The following KIRREL3 variants were observed in gnomAD, a reference collection of about 807,000 sequenced individuals.
KIRREL3 encodes kin of IRRE-like protein 3.
A neutral mutation model predicts 89.7 loss-of-function variants in KIRREL3; 36 were observed. The observed-to-expected ratio is 0.40, with a 90% confidence interval of 0.31 to 0.53. The LOEUF is 0.53. Ranked by LOEUF, KIRREL3 falls within the 20% of genes least tolerant of loss-of-function variation. The probability of loss-of-function intolerance (pLI) is 0.49; values close to 1 mark genes in which losing one functional copy is unlikely to be tolerated. For missense variants in KIRREL3, 864 were observed against 1,056.6 expected (o/e 0.82, Z 2.53); for synonymous variants, 445 against 441.4 (o/e 1.01, Z -0.10).
chr11:126,747,191 G>T lies in KIRREL3; in HGVS notation c.56-184279C>A, dbSNP rs1199091200. On this transcript the variant is annotated intron_variant, in intron 1 of 16. Transcript: ENST00000525144. The surrounding 1 kb of genome is among the most constrained non-coding windows in gnomAD (Gnocchi z 4.7). Reference sequence around the variant, plus strand: ...CTCATAGCATAGAGCTTGGCTCTTGGCTTAGTCCCAGGCCAGCAGGCCTCA... The same window carrying T: ...CTCATAGCATAGAGCTTGGCTCTTGTCTTAGTCCCAGGCCAGCAGGCCTCA... 2.6e-5 allele frequency among the ~76,000 whole-genome samples: 4 copies of T among 152,192 alleles called. No individual in the cohort carries two copies. Among genetic ancestry groups the T allele is most frequent in the Non-Finnish European group, 5.9e-5 (4 of 68,040 alleles).
At chr11:126,842,032 G>T (rs1223761506) in intron 1 of KIRREL3, among the ~76,000 whole-genome samples, 1 of 152,202 alleles carries the variant, frequency 6.6e-6, no homozygotes, top group African/African-American at 2.4e-5. Flanking sequence ...GGGGTAGGGT[G>T]AGGAGTGGAT....
At chr11:126,450,544 TCA>T (rs1956023960) in intron 7 of KIRREL3, among the ~76,000 whole-genome samples, 5 of 150,650 alleles carry the variant, frequency 3.3e-5, no homozygotes, top group Non-Finnish European at 5.9e-5. Context: ...TGCATGTGTG[TCA>T]ATGTGCATGT....
intron 1 of KIRREL3, among the ~76,000 whole-genome samples, chr11:126,968,987 A>AT (rs923699479): frequency 7.9e-5 from 12 of 152,118 alleles, no homozygotes; most frequent in Non-Finnish European, 1.8e-4. Flanking sequence ...GAGTGGTTAC[A>AT]TTTTTGAGTA....
chr11:126,953,392 C>T lies in KIRREL3; in HGVS notation c.55+47063G>A, dbSNP rs1054232233. ...GAAATACCTAACGTAGATGAGGAGT[C>T]GATGGGTGCAGCAAACCATCATGGC... On this transcript the variant is annotated intron_variant, in intron 1 of 16. Transcript: ENST00000525144. The surrounding 1 kb of genome is among the most constrained non-coding windows in gnomAD (Gnocchi z 5.2). 2.6e-4 allele frequency among the ~76,000 whole-genome samples: 40 copies of T among 151,886 alleles called. No individual in the cohort carries two copies. The highest frequency in any genetic ancestry group is 9.2e-4 in the African/African-American group (38 of 41,336).
At position 126,563,549 on chromosome 11, in the gene KIRREL3, G is replaced by GCTAA. The variant is rs568131750; in HGVS notation, c.56-638_56-637insTTAG. 5.5e-3 allele frequency among the ~76,000 whole-genome samples: 835 copies of GCTAA among 152,266 alleles called. 6 individuals are homozygous for GCTAA. Among genetic ancestry groups the GCTAA allele is most frequent in the African/African-American group, 0.015 (635 of 41,528 alleles). ...CCTTCCTATATCAAGGCCCAATTTA[G>GCTAA]CACCATCATCAAGCACTTATGAAAT... On this transcript the variant is annotated intron_variant, in intron 1 of 16. Transcript: ENST00000525144. The surrounding 1 kb of genome is among the most constrained non-coding windows in gnomAD (Gnocchi z 6.8).
In KIRREL3 at chr11:126,943,907, T is replaced by C. The variant is rs1020525076; in HGVS notation, c.55+56548A>G. Among the ~76,000 whole-genome samples the C allele has an allele frequency of 2.6e-5, 4 of 152,170 alleles. No homozygotes were observed. Among genetic ancestry groups the C allele is most frequent in the Non-Finnish European group, 4.4e-5 (3 of 68,022 alleles). On this transcript the variant is annotated intron_variant, in intron 1 of 16. Coordinates refer to ENST00000525144, the MANE Select transcript of KIRREL3 (RefSeq NM_032531.4). This position sits in a 1 kb window ranked among gnomAD's most constrained non-coding sequence, Gnocchi z 4.2. ...GGTGGAGACTTCTTAATTTAGATATTGATGCAGTTCGGGACATACCAAAAT... is the reference window on the plus strand; with the variant it reads ...GGTGGAGACTTCTTAATTTAGATATCGATGCAGTTCGGGACATACCAAAAT...
rs1488598826 is a variant in KIRREL3 at position 126,484,560 on chromosome 11, C to T, written c.434-11094G>A. Reference sequence around the variant, plus strand: ...AGAGCTGGGATATGGGTAGGGTTTCCAGACTTAACAAATCAAAGAACAGTA... The same window carrying T: ...AGAGCTGGGATATGGGTAGGGTTTCTAGACTTAACAAATCAAAGAACAGTA... On this transcript the variant is annotated intron_variant, in intron 4 of 16. Transcript: ENST00000525144. This position sits in a 1 kb window ranked among gnomAD's most constrained non-coding sequence, Gnocchi z 5.2. Among the ~76,000 whole-genome samples the T allele has an allele frequency of 6.6e-6, 1 of 152,130 alleles. No homozygotes were observed. Among genetic ancestry groups the T allele is most frequent in the African/African-American group, 2.4e-5 (1 of 41,424 alleles).
In KIRREL3 at chr11:126,537,211, C is replaced by T. The variant is rs555922310; in HGVS notation, c.134-10524G>A. Among the ~76,000 whole-genome samples, 8 of 152,288 alleles carry T rather than the reference C, an allele frequency of 5.3e-5. No individual in the cohort carries two copies. The South Asian group carries it at 1.2e-3, about 24-fold the overall frequency. ...CCTGGTGCTGACACATGCACACACC[C>T]GCCTGCATGCCTGTGAGTGTGGGCA... is the stretch of plus-strand genomic sequence containing the variant. On this transcript the variant is annotated intron_variant, in intron 2 of 16. Transcript: ENST00000525144. This position sits in a 1 kb window ranked among gnomAD's most constrained non-coding sequence, Gnocchi z 4.3.
chr11:126,777,331 G>C (rs1225934059), intron 1 of KIRREL3, among the ~76,000 whole-genome samples: 3 of 152,162 alleles, frequency 2.0e-5, no homozygotes, highest in Non-Finnish European at 4.4e-5. Flanking sequence ...AAAGCACTGG[G>C]CCTGGCAGGT....
Position 126,890,823 on chromosome 11 carries a change from A to G in KIRREL3, c.55+109632T>C, listed in dbSNP as rs10790854. Among the ~76,000 whole-genome samples the G allele has an allele frequency of 0.63, 95,912 of 152,082 alleles. 32,155 individuals are homozygous for G. Among genetic ancestry groups the G allele is most frequent in the African/African-American group, 0.86 (35,744 of 41,504 alleles). ...CCCAGCGCTGCCCCAGCATCCTCCC[A>G]ACCACTGTCCTCAGCATTGTTTCAA... On this transcript the variant is annotated intron_variant, in intron 1 of 16. Transcript: ENST00000525144. This position sits in a 1 kb window ranked among gnomAD's most constrained non-coding sequence, Gnocchi z 5.1.
At position 126,994,114 on chromosome 11, in the gene KIRREL3, G is replaced by T. The variant is rs1950113567; in HGVS notation, c.55+6341C>A. 6.6e-6 allele frequency among the ~76,000 whole-genome samples: 1 copy of T among 152,154 alleles called. No individual in the cohort carries two copies. Among genetic ancestry groups the T allele is most frequent in the African/African-American group, 2.4e-5 (1 of 41,448 alleles). On this transcript the variant is annotated intron_variant, in intron 1 of 16. Transcript: ENST00000525144. This position sits in a 1 kb window ranked among gnomAD's most constrained non-coding sequence, Gnocchi z 5.2. ...CTTTGCCTATGAAGACAGGCAAAGA[G>T]TAGGGTGAGAGCATAGCTCCCATTT...
Position 126,965,148 on chromosome 11 carries a change from T to C in KIRREL3, c.55+35307A>G, listed in dbSNP as rs1244074945. Among the ~76,000 whole-genome samples, 1 of 152,130 alleles carries C rather than the reference T, an allele frequency of 6.6e-6. No homozygotes were observed. The highest frequency in any genetic ancestry group is 1.5e-5 in the Non-Finnish European group (1 of 68,020). On this transcript the variant is annotated intron_variant, in intron 1 of 16. Transcript: ENST00000525144. The surrounding 1 kb of genome is among the most constrained non-coding windows in gnomAD (Gnocchi z 4.4). The stretch of plus-strand genomic sequence containing the variant: ...GAGATAAAATGGAGATAAGTGTGAG[T>C]TAGGAGCTCTGGGGATGAGCAAAGG...
At chr11:126,961,759 C>A (rs140764320) in intron 1 of KIRREL3, among the ~76,000 whole-genome samples, 2 of 152,374 alleles carry the variant, frequency 1.3e-5, no homozygotes, top group East Asian at 1.9e-4. Context: ...CCATCTAGGT[C>A]TCTCATAGCT....
In KIRREL3 at chr11:126,993,048, A is replaced by G. The variant is rs963434770; in HGVS notation, c.55+7407T>C. Among the ~76,000 whole-genome samples, 4 of 152,178 alleles carry G rather than the reference A, an allele frequency of 2.6e-5. No homozygotes were observed. The highest frequency in any genetic ancestry group is 5.9e-5 in the Non-Finnish European group (4 of 68,034). On this transcript the variant is annotated intron_variant, in intron 1 of 16. Transcript: ENST00000525144. This position sits in a 1 kb window ranked among gnomAD's most constrained non-coding sequence, Gnocchi z 6.1. ...TATTCTCTTGCTCACTTCATCCATC[A>G]GCTAGAAAGAACGATTAAAAAGTAT... is the stretch of plus-strand genomic sequence containing the variant.
rs1169010000 is a variant in KIRREL3, at chr11:126,943,929, A to T, written c.55+56526T>A. Among the ~76,000 whole-genome samples, 2 of 152,202 alleles carry T rather than the reference A, an allele frequency of 1.3e-5. No individual in the cohort carries two copies. Among genetic ancestry groups the T allele is most frequent in the African/African-American group, 4.8e-5 (2 of 41,458 alleles). On this transcript the variant is annotated intron_variant, in intron 1 of 16. Transcript: ENST00000525144. The surrounding 1 kb of genome is among the most constrained non-coding windows in gnomAD (Gnocchi z 4.2). ...TATTGATGCAGTTCGGGACATACCAAAATATGTCACCTTGGCATTTGACAA... is the reference window on the plus strand; with the variant it reads ...TATTGATGCAGTTCGGGACATACCATAATATGTCACCTTGGCATTTGACAA...
Position 126,642,084 on chromosome 11 carries a change from T to C in KIRREL3, c.56-79172A>G, listed in dbSNP as rs902491076. Reference sequence around the variant, plus strand: ...ATCCCAGTGAGCGACTGCTGGGCTGTTCACAGAGAGCCAGAGGCCCCTTTG... The same window carrying C: ...ATCCCAGTGAGCGACTGCTGGGCTGCTCACAGAGAGCCAGAGGCCCCTTTG... On this transcript the variant is annotated intron_variant, in intron 1 of 16. Transcript: ENST00000525144. The surrounding 1 kb of genome is among the most constrained non-coding windows in gnomAD (Gnocchi z 4.9). Among the ~76,000 whole-genome samples, 1 of 152,240 alleles carries C rather than the reference T, an allele frequency of 6.6e-6. No homozygotes were observed. The highest frequency in any genetic ancestry group is 1.5e-5 in the Non-Finnish European group (1 of 68,042).
chr11:126,559,388 G>A (rs567087272), intron 2 of KIRREL3, among the ~76,000 whole-genome samples: 2 of 152,348 alleles, frequency 1.3e-5, no homozygotes, highest in South Asian at 2.1e-4. Flanking sequence ...GACACTGGGC[G>A]AAGGCCCAGG....
chr11:126,570,295 C>T lies in KIRREL3; in HGVS notation c.56-7383G>A, dbSNP rs1374958597. Among the ~76,000 whole-genome samples, 1 of 152,126 alleles carries T rather than the reference C, an allele frequency of 6.6e-6. No individual in the cohort carries two copies. Among genetic ancestry groups the T allele is most frequent in the Non-Finnish European group, 1.5e-5 (1 of 68,032 alleles). ...ATTATACTAGAACTAAGTTTTTCCC[C>T]ATTCATATTATCAATTAGTTGTTTT... On this transcript the variant is annotated intron_variant, in intron 1 of 16. Coordinates refer to ENST00000525144, the MANE Select transcript of KIRREL3 (RefSeq NM_032531.4). The surrounding 1 kb of genome is among the most constrained non-coding windows in gnomAD (Gnocchi z 6.1).
At position 127,000,526 on chromosome 11, in the gene KIRREL3, G is replaced by A. The variant is rs1453025519; in HGVS notation, c.-17C>T. 4.6e-5 allele frequency: 74 copies of A among 1,599,250 alleles called. No individual in the cohort carries two copies. The highest frequency in any genetic ancestry group is 6.0e-5 in the Non-Finnish European group (70 of 1,173,198). On this transcript the variant is annotated 5_prime_UTR_variant, in exon 1 of 17. Coordinates refer to ENST00000525144, the MANE Select transcript of KIRREL3 (RefSeq NM_032531.4). The surrounding 1 kb of genome is among the most constrained non-coding windows in gnomAD (Gnocchi z 7.1). ...GGGTTTCATTCCTTAGCGCAGCGAA[G>A]GAAAGCCGGCGGGGTAACTTGGCTG... is the stretch of plus-strand genomic sequence containing the variant.
Sources: gnomAD v4.1 joint callset for allele counts (sites outside exome capture counted in the v4.1 genomes callset) on GRCh38, gnomAD v4.1.1 for gene constraint, Gnocchi (gnomAD v3.1) non-coding constraint, MANE v1.5 for transcripts, NCBI Gene and HGNC (gene_info 2026-07-23, HGNC 2026-07-21) for gene names.